Variants in EPB41L2 observed in about 807,000 individuals in gnomAD.
EPB41L2 encodes the protein band 4.1-like protein 2.
EPB41L2 carries 43 observed loss-of-function variants against 113.0 expected under a neutral mutation model. The observed-to-expected ratio is 0.38, with a 90% confidence interval of 0.30 to 0.49. The LOEUF is 0.49. Ranked by LOEUF, EPB41L2 falls within the 20% of genes least tolerant of loss-of-function variation. The pLI, the probability that EPB41L2 is intolerant of heterozygous loss-of-function variation, is 0.95. For missense variants in EPB41L2, 1,147 were observed against 1,223.4 expected (o/e 0.94, Z 0.93); for synonymous variants, 442 against 436.7 (o/e 1.01, Z -0.15).
intron 3 of EPB41L2, among the ~76,000 whole-genome samples, chr6:130,931,873 A>G (rs1023774529): frequency 2.0e-5 from 3 of 152,108 alleles, no homozygotes; most frequent in African/African-American, 4.8e-5. Context: ...GTATAATCAC[A>G]GTGTCCTGGG....
chr6:130,887,352 C>T (rs1365851683), intron 11 of EPB41L2, among the ~76,000 whole-genome samples: 1 of 152,202 alleles, frequency 6.6e-6, no homozygotes, highest in Non-Finnish European at 1.5e-5. Context: ...TGGACCATTC[C>T]TAACCAGCCT....
chr6:131,013,912 A>T (rs17784472), intron 1 of EPB41L2, among the ~76,000 whole-genome samples: 41,768 of 152,062 alleles, frequency 0.27, 6,975 homozygotes, highest in Non-Finnish European at 0.37. Context: ...TTTATAGGAC[A>T]TTCGGAATCA....
intron 1 of EPB41L2, among the ~76,000 whole-genome samples, chr6:131,047,447 A>G (rs1478383288): frequency 6.6e-6 from 1 of 152,218 alleles, no homozygotes; most frequent in African/African-American, 2.4e-5. Context: ...TTTATAATTC[A>G]ATGTCTTTGC....
intron 1 of EPB41L2, among the ~76,000 whole-genome samples, chr6:131,061,980 A>G (rs1052444652): frequency 6.6e-6 from 1 of 152,104 alleles, no homozygotes. Context: ...GAAAGATGTG[A>G]TTCAGAAAAG....
intron 1 of EPB41L2, among the ~76,000 whole-genome samples, chr6:130,982,068 T>C (rs755344284): frequency 3.3e-5 from 5 of 151,950 alleles, no homozygotes; most frequent in Admixed American, 3.3e-4. Context: ...TTTATTTCAT[T>C]TAAACTTATA....
At chr6:130,865,820 A>C in intron 16 of EPB41L2, 186 bp from the exon 17 acceptor site, 1 of 565,904 alleles carries the variant, frequency 1.8e-6, no homozygotes, top group East Asian at 3.0e-5. Context: ...CTAGGTGCAC[A>C]TGGAGAAGCA....
chr6:130,922,861 CCA>C (rs1386722227), intron 4 of EPB41L2, among the ~76,000 whole-genome samples: 1 of 152,186 alleles, frequency 6.6e-6, no homozygotes, highest in Non-Finnish European at 1.5e-5. Context: ...TAAAGCTACC[CCA>C]TGCACCCTGC....
At position 130,890,341 on chromosome 6, in the gene EPB41L2, T is replaced by C. The variant is rs1218537600; in HGVS notation, c.1613A>G (p.His538Arg). 1 of 1,613,408 alleles carries C rather than the reference T, an allele frequency of 6.2e-7. No individual in the cohort carries two copies. The highest frequency in any genetic ancestry group is 2.2e-5 in the East Asian group (1 of 44,860). ...ASTLIDRPAP[H>R]FERTSSKRVS... ...CCGTTTACTAGAAGTGCGCTCAAAG[T>C]GTGGTGCTGGCCTATCTATGAGGGT... Residue 538 changes from histidine (H) to arginine (R), a missense_variant, in exon 11 of 20, where the codon CAC becomes CGC. Coordinates refer to ENST00000337057, the MANE Select transcript of EPB41L2 (RefSeq NM_001431.4).
chr6:131,061,468 T>G lies in EPB41L2; in HGVS notation c.-15+1687A>C, dbSNP rs528425655. Among the ~76,000 whole-genome samples, 4 of 152,314 alleles carry G rather than the reference T, an allele frequency of 2.6e-5. No individual in the cohort carries two copies. In the East Asian group the frequency reaches 7.7e-4, roughly 29 times the overall value. ...ACACAGCATAGCTCTTCAAAAGTTGTGTCAAACTCACAGCCTAACGGATGG... is the reference window on the plus strand; with the variant it reads ...ACACAGCATAGCTCTTCAAAAGTTGGGTCAAACTCACAGCCTAACGGATGG... On this transcript the variant is annotated intron_variant, in intron 1 of 19. Coordinates refer to ENST00000337057, the MANE Select transcript of EPB41L2 (RefSeq NM_001431.4).
chr6:130,956,817 T>C (rs1391128214), intron 1 of EPB41L2, among the ~76,000 whole-genome samples: 2 of 152,236 alleles, frequency 1.3e-5, no homozygotes, highest in African/African-American at 4.8e-5. Context: ...CAACTTGTTA[T>C]AAACAATAAT....
At chr6:130,847,856 C>T (rs1388111067) in intron 19 of EPB41L2, among the ~76,000 whole-genome samples, 2 of 152,220 alleles carry the variant, frequency 1.3e-5, no homozygotes, top group African/African-American at 4.8e-5. Context: ...AATCTTAAAG[C>T]TTCTTTTAAA....
At chr6:131,031,970 G>C (rs1792246010) in intron 1 of EPB41L2, among the ~76,000 whole-genome samples, 1 of 152,104 alleles carries the variant, frequency 6.6e-6, no homozygotes, top group East Asian at 1.9e-4. Context: ...GAGGAAGCAA[G>C]GCATTTGTTT....
At chr6:130,846,654 A>G (rs1460214087) in intron 19 of EPB41L2, among the ~76,000 whole-genome samples, 3 of 152,148 alleles carry the variant, frequency 2.0e-5, no homozygotes, top group Non-Finnish European at 4.4e-5. Flanking sequence ...CCACCTTCTT[A>G]GGAGGCTCTT....
At chr6:130,905,422 C>CTT (rs11389706) in intron 5 of EPB41L2, among the ~76,000 whole-genome samples, 51 of 144,472 alleles carry the variant, frequency 3.5e-4, no homozygotes, top group Admixed American at 8.3e-4. Flanking sequence ...TATGTTATTC[C>CTT]TTTTTTTTTT....
At chr6:131,048,912 T>G (rs890542482) in intron 1 of EPB41L2, among the ~76,000 whole-genome samples, 2 of 151,030 alleles carry the variant, frequency 1.3e-5, no homozygotes, top group Admixed American at 6.6e-5. Context: ...AAAAAAAAAG[T>G]CCTTAAAAAA....
chr6:131,055,257 A>G (rs1407145886), intron 1 of EPB41L2, among the ~76,000 whole-genome samples: 1 of 152,224 alleles, frequency 6.6e-6, no homozygotes, highest in Non-Finnish European at 1.5e-5. Flanking sequence ...CTTTAAATGA[A>G]AGCAAAAAGT....
At chr6:130,938,679 T>G (rs1045655511) in intron 3 of EPB41L2, among the ~76,000 whole-genome samples, 3 of 152,220 alleles carry the variant, frequency 2.0e-5, no homozygotes, top group African/African-American at 7.2e-5. Context: ...CACCCCAAAA[T>G]GCCTTTATTT....
Position 130,988,818 on chromosome 6 carries a change from G to A in EPB41L2, c.-14-32319C>T, listed in dbSNP as rs560860172. Among the ~76,000 whole-genome samples, 6 of 152,348 alleles carry A rather than the reference G, an allele frequency of 3.9e-5. No individual in the cohort carries two copies. In the East Asian group the frequency reaches 1.2e-3, roughly 29 times the overall value. Reference sequence around the variant, plus strand: ...AATGAAGGAAAGGAGGCTGGGCACAGTGACTCATGCCTGTAATCCCAGCAC... The same window carrying A: ...AATGAAGGAAAGGAGGCTGGGCACAATGACTCATGCCTGTAATCCCAGCAC... On this transcript the variant is annotated intron_variant, in intron 1 of 19. Coordinates refer to ENST00000337057, the MANE Select transcript of EPB41L2 (RefSeq NM_001431.4).
intron 1 of EPB41L2, among the ~76,000 whole-genome samples, chr6:131,031,686 A>G (rs1792185200): frequency 6.6e-6 from 1 of 152,204 alleles, no homozygotes; most frequent in Non-Finnish European, 1.5e-5. Flanking sequence ...GAAACAAATA[A>G]TCCAACCTGT....
Sources: gnomAD v4.1 joint callset for allele counts (sites outside exome capture counted in the v4.1 genomes callset) on GRCh38, gnomAD v4.1.1 for gene constraint, MANE v1.5 for transcripts, NCBI Gene and HGNC (gene_info 2026-07-23, HGNC 2026-07-21) for gene names.